Variants in HACD2 observed in about 807,000 individuals in gnomAD.
HACD2 encodes the protein 3-hydroxyacyl-CoA dehydratase 2.
Under a neutral mutation model 31.0 loss-of-function variants are expected in HACD2, and 15 were observed. The observed-to-expected ratio is 0.48, with a 90% CI of 0.32 to 0.75. The LOEUF (loss-of-function observed/expected upper bound fraction) is 0.75, where lower values mean the gene tolerates loss of function less well. Among genes scored for constraint, HACD2 ranks in the 30% least tolerant of loss-of-function variants. The pLI is 0.03. For synonymous variants in HACD2, 115 were observed against 122.2 expected (o/e 0.94, Z 0.39); for missense variants, 283 against 313.0 (o/e 0.90, Z 0.72).
intron 6 of HACD2, 88 bp from the exon 7 acceptor site, chr3:123,495,058 C>T (rs1216333925): frequency 1.3e-5 from 10 of 770,826 alleles, no homozygotes; most frequent in Non-Finnish European, 2.1e-5. Flanking sequence ...TCCTCTCTGA[C>T]CCTCTGACTA....
At chr3:123,584,335 C>G (rs1220393371) in intron 1 of HACD2, 1 of 152,362 alleles carries the variant, frequency 6.6e-6, no homozygotes, top group Non-Finnish European at 1.5e-5. Flanking sequence ...TCCTAAAAGT[C>G]TAAACTCATC....
intron 6 of HACD2, among the ~76,000 whole-genome samples, chr3:123,498,986 T>C (rs888415556): frequency 2.0e-5 from 3 of 152,180 alleles, no homozygotes; most frequent in Non-Finnish European, 4.4e-5. Flanking sequence ...AAGGAAGCCC[T>C]GCTTCCTAGA....
intron 4 of HACD2, among the ~76,000 whole-genome samples, chr3:123,528,170 C>T (rs2056308036): frequency 6.6e-6 from 1 of 152,168 alleles, no homozygotes; most frequent in African/African-American, 2.4e-5. Flanking sequence ...AGGACTTTAC[C>T]ATTTAATCAG....
intron 4 of HACD2, among the ~76,000 whole-genome samples, chr3:123,519,545 C>T (rs1217046900): frequency 6.6e-6 from 1 of 152,060 alleles, no homozygotes; most frequent in African/African-American, 2.4e-5. Context: ...TTTAAGATTC[C>T]CAAAGAGATC....
At chr3:123,541,943 C>T (rs968160683) in intron 3 of HACD2, among the ~76,000 whole-genome samples, 14 of 151,590 alleles carry the variant, frequency 9.2e-5, no homozygotes, top group African/African-American at 3.4e-4. Context: ...GTCAGGAGAT[C>T]GAGACCATCC....
chr3:123,580,161 T>C (rs1167094305), intron 2 of HACD2, among the ~76,000 whole-genome samples: 1 of 144,132 alleles, frequency 6.9e-6, no homozygotes, highest in African/African-American at 2.8e-5. Flanking sequence ...AGTAAGGCCC[T>C]GTGTCAAAAA....
At chr3:123,531,546 C>T (rs2056360534) in intron 3 of HACD2, among the ~76,000 whole-genome samples, 1 of 152,032 alleles carries the variant, frequency 6.6e-6, no homozygotes, top group African/African-American at 2.4e-5. Context: ...TCAGGTCATC[C>T]ACCCGCTGCC....
At position 123,567,830 on chromosome 3, in the gene HACD2, T is replaced by C. The variant is rs765467068; in HGVS notation, c.274-50A>G. 12 of 1,267,358 alleles carry C rather than the reference T, an allele frequency of 9.5e-6. No individual in the cohort carries two copies. In the East Asian group the frequency reaches 2.3e-4, roughly 24 times the overall value. 78.5% of individuals were successfully genotyped at this position (1,267,358 alleles called of 1,614,324 possible). ...AGGAGAATTAGTAAGAATCAAGATA[T>C]TAAAGTTTTATTTCATATAAACTAA... On this transcript the variant is annotated intron_variant, in intron 2 of 6. Coordinates refer to ENST00000383657, the MANE Select transcript of HACD2 (RefSeq NM_198402.5).
At chr3:123,584,819 A>T in intron 1 of HACD2, 54 bp downstream of exon 1, 1 of 1,353,152 alleles carries the variant, frequency 7.4e-7, no homozygotes, top group Non-Finnish European at 9.8e-7. Context: ...CGCTGGCCGC[A>T]GGGCTCCCTC....
At chr3:123,582,772 A>C (rs979465122) in intron 1 of HACD2, among the ~76,000 whole-genome samples, 2 of 152,174 alleles carry the variant, frequency 1.3e-5, no homozygotes, top group African/African-American at 4.8e-5. Context: ...TATTGTTATA[A>C]TTGTCTCACT....
At chr3:123,540,443 G>A (rs1037763205) in intron 3 of HACD2, among the ~76,000 whole-genome samples, 2 of 152,190 alleles carry the variant, frequency 1.3e-5, no homozygotes, top group Non-Finnish European at 2.9e-5. Context: ...ACCTCTGAAT[G>A]AGAGCAAAAT....
intron 3 of HACD2, among the ~76,000 whole-genome samples, chr3:123,552,837 A>G (rs6774200): frequency 0.36 from 54,518 of 151,888 alleles, 10,722 homozygotes; most frequent in African/African-American, 0.53. Flanking sequence ...ATTTCAAAGC[A>G]CCCAAAGGAG....
intron 3 of HACD2, among the ~76,000 whole-genome samples, chr3:123,553,477 T>A (rs367857055): frequency 6.6e-6 from 1 of 152,250 alleles, no homozygotes; most frequent in Admixed American, 6.5e-5. Context: ...GGGAATCTTT[T>A]GGGGACAGGC....
chr3:123,542,239 T>C (rs1188401350), intron 3 of HACD2, among the ~76,000 whole-genome samples: 1 of 136,668 alleles, frequency 7.3e-6, no homozygotes, highest in Non-Finnish European at 1.6e-5. Flanking sequence ...AGGGCATAAA[T>C]AGACAATTCA....
At position 123,566,416 on chromosome 3, in the gene HACD2, C is replaced by CT. The variant is rs1217558154; in HGVS notation, c.292+1345dup. On this transcript the variant is annotated intron_variant, in intron 3 of 6. Coordinates refer to ENST00000383657, the MANE Select transcript of HACD2 (RefSeq NM_198402.5). ...CCTCCCACCTCAGCCTCCTGAGTAGCTGGGACCACAGGCATGCACGACCAC... is the reference window on the plus strand; with the variant it reads ...CCTCCCACCTCAGCCTCCTGAGTAGCTTGGGACCACAGGCATGCACGACCAC... Among the ~76,000 whole-genome samples, 3 of 152,020 alleles carry CT rather than the reference C, an allele frequency of 2.0e-5. No homozygotes were observed. In the East Asian group the frequency reaches 5.9e-4, roughly 30 times the overall value.
intron 4 of HACD2, among the ~76,000 whole-genome samples, chr3:123,518,995 T>TAAAAAAA (rs67571643): frequency 2.4e-5 from 1 of 42,506 alleles, no homozygotes. Flanking sequence ...AGACTCCAAC[T>TAAAAAAA]AAAAAAAAAA....
intron 3 of HACD2, among the ~76,000 whole-genome samples, chr3:123,534,318 C>A (rs1264052576): frequency 6.6e-6 from 1 of 152,002 alleles, no homozygotes. Flanking sequence ...TGATGATGGT[C>A]CCATAAGACT....
chr3:123,527,830 C>A (rs187907459), intron 4 of HACD2, among the ~76,000 whole-genome samples: 3 of 152,244 alleles, frequency 2.0e-5, no homozygotes, highest in Non-Finnish European at 4.4e-5. Flanking sequence ...ATTACATTTG[C>A]GGGTAGAAGG....
chr3:123,580,975 C>T (rs1412750977), intron 2 of HACD2, among the ~76,000 whole-genome samples: 2 of 151,728 alleles, frequency 1.3e-5, no homozygotes, highest in African/African-American at 4.8e-5. Flanking sequence ...GCCCGTGCCA[C>T]CACACCCGGC....
Sources: allele counts gnomAD v4.1 joint callset (sites outside exome capture counted in the v4.1 genomes callset), GRCh38; gene constraint gnomAD v4.1.1; transcripts MANE v1.5; gene names NCBI Gene and HGNC (gene_info 2026-07-23, HGNC 2026-07-21).